ELSPBP1: variants seen among roughly 807,000 people sequenced by gnomAD.
The protein encoded by ELSPBP1 is epididymal sperm-binding protein 1.
A neutral mutation model predicts 33.3 loss-of-function variants in ELSPBP1; 38 were observed. The observed-to-expected ratio is 1.14, with a 90% CI of 0.88 to 1.50. The LOEUF (loss-of-function observed/expected upper bound fraction) is 1.50. Among genes scored for constraint, ELSPBP1 ranks in the 40% most tolerant of loss-of-function variants. The pLI is 0.00. For synonymous variants in ELSPBP1, 85 were observed against 94.1 expected (o/e 0.90, Z 0.56); for missense variants, 267 against 263.5 (o/e 1.01, Z -0.09).
chr19:48,024,812 T>A (rs929120445), intron 6 of ELSPBP1, 140 bp from the exon 7 acceptor site: 1 of 152,046 alleles, frequency 6.6e-6, no homozygotes, highest in African/African-American at 2.4e-5. Flanking sequence ...GATGTGGGGG[T>A]GGGGGCGTCT....
chr19:48,014,166 T>A lies in ELSPBP1; in HGVS notation c.71-5T>A. On this transcript the variant is annotated splice_polypyrimidine_tract_variant and splice_region_variant and intron_variant, in intron 2 of 6. Transcript: ENST00000339841. ...CCACTCCTGTTTTCTCCTTCTGCCC[T>A]TCAGGGATGCATGAGGAATGTGTCT... 6.2e-7 allele frequency: 1 copy of A among 1,613,020 alleles called. No homozygotes were observed. Among genetic ancestry groups the A allele is most frequent in the East Asian group, 2.2e-5 (1 of 44,796 alleles).
At chr19:48,018,760 A>G (rs1255803578) in intron 4 of ELSPBP1, among the ~76,000 whole-genome samples, 1 of 152,130 alleles carries the variant, frequency 6.6e-6, no homozygotes, top group Admixed American at 6.5e-5. Context: ...CCCTTAGTCA[A>G]ATTCTAGCTC....
intron 2 of ELSPBP1, among the ~76,000 whole-genome samples, chr19:48,013,604 C>G (rs561753616): frequency 6.6e-6 from 1 of 152,004 alleles, no homozygotes; most frequent in African/African-American, 2.4e-5. Context: ...GTAATCCCAG[C>G]TACTTTAGAG....
Position 48,019,825 on chromosome 19 carries a change from A to T in ELSPBP1, c.462A>T (p.Pro154=). 1 of 1,614,122 alleles carries T rather than the reference A, an allele frequency of 6.2e-7. No individual in the cohort carries two copies. Among genetic ancestry groups the T allele is most frequent in the Non-Finnish European group, 8.5e-7 (1 of 1,179,998 alleles). Residue 154 remains proline, a synonymous_variant, in exon 5 of 7, where the codon CCA becomes CCT. Coordinates refer to ENST00000339841, the MANE Select transcript of ELSPBP1 (RefSeq NM_022142.5). ...ATGAAAGCAACAAGCTCTGGTGCCCAACCACAGAGAACATGGATAAGGATG... is the reference window on the plus strand; with the variant it reads ...ATGAAAGCAACAAGCTCTGGTGCCCTACCACAGAGAACATGGATAAGGATG... The part of the protein sequence containing the change: ...MEDESNKLWC[P]TTENMDKDGK...
chr19:48,008,788 A>G, intron 2 of ELSPBP1, 51 bp downstream of exon 2: 1 of 1,517,084 alleles, frequency 6.6e-7, no homozygotes, highest in Non-Finnish European at 9.1e-7. Flanking sequence ...AGAAGAATGA[A>G]TGGGGCAAAG....
chr19:48,000,658 G>A (rs372228592), intron 1 of ELSPBP1, among the ~76,000 whole-genome samples: 5 of 152,228 alleles, frequency 3.3e-5, no homozygotes, highest in African/African-American at 9.6e-5. Context: ...ACCCTTTTCC[G>A]AAGCCACAAC....
At chr19:48,020,002 T>G (rs1012591646) in intron 5 of ELSPBP1, 125 bp downstream of exon 5, 91 of 984,076 alleles carry the variant, frequency 9.2e-5, no homozygotes, top group Non-Finnish European at 1.2e-4. Flanking sequence ...TGGTGATGAA[T>G]CCGGCAGACA....
chr19:48,014,274 G>A lies in ELSPBP1; in HGVS notation c.174G>A (p.Val58=), dbSNP rs750324752. 5 of 1,614,020 alleles carry A rather than the reference G, an allele frequency of 3.1e-6. No individual in the cohort carries two copies. The highest frequency in any genetic ancestry group is 1.7e-4 in the Middle Eastern group (1 of 6,058). ...CCCCTTGGTGTGCCACCAGAGCCGT[G>A]TACAACGGCCAGTGGAAGTACTGCC... ...SLSPWCATRA[V]YNGQWKYCQS... is the part of the protein sequence containing the mutation. The change falls in exon 3 of 7, where the codon GTG becomes GTA. Residue 58 remains valine (V), a synonymous_variant. Coordinates refer to ENST00000339841, the MANE Select transcript of ELSPBP1 (RefSeq NM_022142.5).
At chr19:48,006,919 A>G (rs1415149800) in intron 1 of ELSPBP1, among the ~76,000 whole-genome samples, 1 of 152,166 alleles carries the variant, frequency 6.6e-6, no homozygotes, top group Non-Finnish European at 1.5e-5. Context: ...GTGTAGCGGG[A>G]GAGCCAAGCA....
chr19:48,001,176 T>G (rs1184965698), intron 1 of ELSPBP1, among the ~76,000 whole-genome samples: 2 of 79,386 alleles, frequency 2.5e-5, no homozygotes, highest in East Asian at 1.0e-3. Flanking sequence ...TCTCTCTCTG[T>G]TTTTTTTTTT....
chr19:48,017,800 G>A (rs1967157756), intron 4 of ELSPBP1, among the ~76,000 whole-genome samples: 1 of 150,620 alleles, frequency 6.6e-6, no homozygotes, highest in Non-Finnish European at 1.5e-5. Context: ...GGGAGGCTGA[G>A]GTGGGAGGAT....
intron 4 of ELSPBP1, among the ~76,000 whole-genome samples, chr19:48,019,159 A>G (rs1967171927): frequency 6.6e-6 from 1 of 152,138 alleles, no homozygotes; most frequent in South Asian, 2.1e-4. Flanking sequence ...ATCTAAAAAA[A>G]TAAAAAATAA....
intron 4 of ELSPBP1, among the ~76,000 whole-genome samples, chr19:48,016,304 G>C (rs2051217344): frequency 6.6e-6 from 1 of 152,150 alleles, no homozygotes. Flanking sequence ...TGGCTTCTGA[G>C]TATTTCTGTT....
chr19:48,019,868 G>A lies in ELSPBP1; in HGVS notation c.505G>A (p.Ala169Thr). ...TAAGGATGGAAAGTGGAGTTTCTGT[G>A]CCGACACCAGTAATCTGGGGATGGG... ...MDKDGKWSFC[A>T]DTRISALVPG... The change falls in exon 5 of 7, where the codon GCC becomes ACC. Residue 169 changes from alanine to threonine, a missense_variant. By Grantham distance (58) the Ala-to-Thr change is moderately conservative. Transcript: ENST00000339841. 6.2e-7 allele frequency: 1 copy of A among 1,610,252 alleles called. No individual in the cohort carries two copies. Among genetic ancestry groups the A allele is most frequent in the Non-Finnish European group, 8.5e-7 (1 of 1,178,260 alleles).
chr19:48,009,788 A>AC (rs1967058809), intron 2 of ELSPBP1, among the ~76,000 whole-genome samples: 1 of 150,398 alleles, frequency 6.6e-6, no homozygotes, highest in Non-Finnish European at 1.5e-5. Context: ...ACACAATAAC[A>AC]TTTTTTTTTT....
At chr19:48,016,092 A>G (rs1410117488) in intron 4 of ELSPBP1, 53 bp downstream of exon 4, 1 of 1,597,454 alleles carries the variant, frequency 6.3e-7, no homozygotes, top group Non-Finnish European at 8.6e-7. Flanking sequence ...AGTGGACAGC[A>G]TGGATCCTCC....
Position 48,019,796 on chromosome 19 carries a change from G to A in ELSPBP1, c.433G>A (p.Glu145Lys). The change falls in exon 5 of 7, where the codon GAG becomes AAG. Residue 145 changes from glutamate (E) to lysine (K), a missense_variant. Glu to Lys is a moderately conservative substitution (Grantham distance 56). Transcript: ENST00000339841. ...AAATAATGTGGTCTCTGATTGCATG[G>A]AGGATGAAAGCAACAAGCTCTGGTG... ...YRNNVVSDCM[E>K]DESNKLWCPT... 6.2e-7 allele frequency: 1 copy of A among 1,614,000 alleles called. No homozygotes were observed. Among genetic ancestry groups the A allele is most frequent in the Non-Finnish European group, 8.5e-7 (1 of 1,179,982 alleles).
At chr19:48,023,381 GGAGGGAGGAGGGAGGGAGGAAGT>G (rs1474074523) in intron 6 of ELSPBP1, among the ~76,000 whole-genome samples, 5 of 72,198 alleles carry the variant, frequency 6.9e-5, no homozygotes, top group East Asian at 1.8e-3. Flanking sequence ...AGAGAGGAAA[GGAGGGAGGAGGGAGGGAGGAAGT>G]GAGGGAGGAG....
intron 2 of ELSPBP1, among the ~76,000 whole-genome samples, chr19:48,010,102 TG>T (rs1967061924): frequency 6.6e-6 from 1 of 152,170 alleles, no homozygotes; most frequent in Non-Finnish European, 1.5e-5. Flanking sequence ...GTCTGGGAGA[TG>T]CAGTGTAGCA....
Sources: gnomAD v4.1 joint callset for allele counts (sites outside exome capture counted in the v4.1 genomes callset) on GRCh38, gnomAD v4.1.1 for gene constraint, MANE v1.5 for transcripts, NCBI Gene and HGNC (gene_info 2026-07-23, HGNC 2026-07-21) for gene names.